The following PPM1L variants were observed in gnomAD, a reference collection of about 807,000 sequenced individuals.
PPM1L encodes protein phosphatase, Mg2+/Mn2+ dependent 1L.
PPM1L carries 13 observed loss-of-function variants against 31.4 expected under a neutral mutation model. The observed-to-expected ratio is 0.41, with a 90% CI of 0.27 to 0.66. PPM1L has a LOEUF of 0.66. PPM1L is among the 30% of genes least tolerant of loss of function. PPM1L has a pLI of 0.29. For synonymous variants in PPM1L, 184 were observed against 175.4 expected (o/e 1.05, Z -0.39); for missense variants, 326 against 453.7 (o/e 0.72, Z 2.56).
intron 1 of PPM1L, among the ~76,000 whole-genome samples, chr3:160,888,770 A>ATGTG (rs1267051958): frequency 2.0e-5 from 3 of 152,228 alleles, no homozygotes; most frequent in Non-Finnish European, 4.4e-5. Context: ...CTACCACATA[A>ATGTG]GTAAAACATT....
At chr3:160,955,787 A>G (rs1455120402) in intron 1 of PPM1L, among the ~76,000 whole-genome samples, 2 of 151,554 alleles carry the variant, frequency 1.3e-5, no homozygotes, top group Admixed American at 6.6e-5. Flanking sequence ...AGTAGCTGGG[A>G]CTACAGGTGC....
At position 161,076,108 on chromosome 3, in the gene PPM1L, A is replaced by G. The variant is rs1313377128; in HGVS notation, c.*6951A>G. 6.6e-6 allele frequency: 1 copy of G among 151,956 alleles called. No homozygotes were observed. The highest frequency in any genetic ancestry group is 2.4e-5 in the African/African-American group (1 of 41,454). 9.4% of individuals were successfully genotyped at this position (151,956 alleles called of 1,614,324 possible). Reference sequence around the variant, plus strand: ...GTGATTTGATATTCTTGCTTCTTAGAGAGTTTTCTAATCCATATAATGCAA... The same window carrying G: ...GTGATTTGATATTCTTGCTTCTTAGGGAGTTTTCTAATCCATATAATGCAA... On this transcript the variant is annotated 3_prime_UTR_variant, in exon 4 of 4. Transcript: ENST00000498165.
At chr3:160,976,260 A>G (rs1168907167) in intron 2 of PPM1L, among the ~76,000 whole-genome samples, 32 of 147,734 alleles carry the variant, frequency 2.2e-4, no homozygotes, top group African/African-American at 7.1e-4. Flanking sequence ...TTGATGTGCC[A>G]CTGGATTCGG....
intron 2 of PPM1L, among the ~76,000 whole-genome samples, chr3:160,976,539 C>A (rs535921126): frequency 0.018 from 2,751 of 150,536 alleles, 72 homozygotes; most frequent in African/African-American, 0.063. Context: ...TTGATTATTG[C>A]CACAATTTCA....
rs370482480 is a variant in PPM1L, at chr3:160,770,862, ATCTG to A, written c.399+14158_399+14161del. On this transcript the variant is annotated intron_variant, in intron 1 of 3. Transcript: ENST00000498165. ...TAAGATCCTTGCCCTAGTTTCTACT[ATCTG>A]TCCTGTAAAGAAATAGTGGCTGCTT... Among the ~76,000 whole-genome samples the A allele has an allele frequency of 5.5e-4, 83 of 152,238 alleles. No homozygotes were observed. The East Asian group carries it at 0.012, about 21-fold the overall frequency.
chr3:160,973,543 A>T (rs997256885), intron 2 of PPM1L, among the ~76,000 whole-genome samples: 5 of 152,194 alleles, frequency 3.3e-5, no homozygotes, highest in Non-Finnish European at 5.9e-5. Context: ...AAAATAAAAT[A>T]GTTTTTAAAG....
chr3:160,957,713 A>C lies in PPM1L; in HGVS notation c.400-4023A>C, dbSNP rs541346237. On this transcript the variant is annotated intron_variant, in intron 1 of 3. Coordinates refer to ENST00000498165, the MANE Select transcript of PPM1L (RefSeq NM_139245.4). ...TGCCTCGGCCTCCCAAGTAGCTGGG[A>C]CTACAGGTGCCCGTCACCACGCCTG... Among the ~76,000 whole-genome samples the C allele has an allele frequency of 2.0e-5, 3 of 151,522 alleles. No homozygotes were observed. In the East Asian group the frequency reaches 5.8e-4, roughly 30 times the overall value.
intron 2 of PPM1L, among the ~76,000 whole-genome samples, chr3:161,036,313 G>A (rs1559932527): frequency 6.6e-6 from 1 of 152,156 alleles, no homozygotes; most frequent in African/African-American, 2.4e-5. Context: ...AGACCCTGTG[G>A]AAGTTAATAG....
chr3:160,845,637 C>T (rs1411762040), intron 1 of PPM1L, among the ~76,000 whole-genome samples: 2 of 151,990 alleles, frequency 1.3e-5, no homozygotes, highest in African/African-American at 4.8e-5. Context: ...TTTGCTGATA[C>T]ATTTAAGCCC....
intron 1 of PPM1L, among the ~76,000 whole-genome samples, chr3:160,825,113 T>C (rs1201315388): frequency 6.6e-6 from 1 of 152,120 alleles, no homozygotes; most frequent in Non-Finnish European, 1.5e-5. Flanking sequence ...TCCTGATGTA[T>C]GCTGGCTTTC....
At chr3:161,047,500 T>C (rs866042309) in intron 2 of PPM1L, among the ~76,000 whole-genome samples, 2 of 152,106 alleles carry the variant, frequency 1.3e-5, no homozygotes, top group African/African-American at 4.8e-5. Flanking sequence ...TTGTGAAAAT[T>C]GCCATACTGC....
At chr3:160,889,906 G>A (rs560016491) in intron 1 of PPM1L, among the ~76,000 whole-genome samples, 1 of 152,164 alleles carries the variant, frequency 6.6e-6, no homozygotes, top group Non-Finnish European at 1.5e-5. Context: ...AGAACCACAT[G>A]ATTATCTCAA....
At position 160,972,098 on chromosome 3, in the gene PPM1L, A is replaced by G. The variant is rs189632020; in HGVS notation, c.574+10188A>G. ...ACCACATTCTAACTGCAGCTCTCCA[A>G]CTGATATTAATTAGTTTATTTTAGT... On this transcript the variant is annotated intron_variant, in intron 2 of 3. Transcript: ENST00000498165. 2.0e-5 allele frequency among the ~76,000 whole-genome samples: 3 copies of G among 152,260 alleles called. No individual in the cohort carries two copies. In the East Asian group the frequency reaches 5.8e-4, roughly 29 times the overall value.
chr3:161,059,314 A>G (rs190794235), intron 2 of PPM1L, among the ~76,000 whole-genome samples: 7 of 152,282 alleles, frequency 4.6e-5, no homozygotes, highest in Admixed American at 3.9e-4. Flanking sequence ...CTGGGCCAGA[A>G]GTTCTCTCCA....
chr3:160,811,923 G>T (rs375988267), intron 1 of PPM1L, among the ~76,000 whole-genome samples: 18 of 152,192 alleles, frequency 1.2e-4, no homozygotes, highest in African/African-American at 4.1e-4. Context: ...GGAGAAGCAA[G>T]ACTTGGTGAA....
chr3:160,815,129 A>G (rs1712956373), intron 1 of PPM1L, among the ~76,000 whole-genome samples: 2 of 152,042 alleles, frequency 1.3e-5, no homozygotes, highest in African/African-American at 4.8e-5. Flanking sequence ...TATATAATGA[A>G]ATACCACCTG....
chr3:160,901,807 A>C (rs1162342174), intron 1 of PPM1L, among the ~76,000 whole-genome samples: 2 of 152,178 alleles, frequency 1.3e-5, no homozygotes, highest in African/African-American at 4.8e-5. Context: ...ATTATTGAGA[A>C]GCTTTTGGGA....
intron 1 of PPM1L, among the ~76,000 whole-genome samples, chr3:160,927,375 A>T (rs953698519): frequency 6.6e-6 from 1 of 152,344 alleles, no homozygotes; most frequent in African/African-American, 2.4e-5. Flanking sequence ...GGGAGCAATC[A>T]TAAAATCATA....
chr3:160,976,309 C>T (rs1289552188), intron 2 of PPM1L, among the ~76,000 whole-genome samples: 1 of 146,576 alleles, frequency 6.8e-6, no homozygotes, highest in East Asian at 2.0e-4. Context: ...CATCAATGTT[C>T]ATCAAGGATA....
Sources: gnomAD v4.1 joint callset for allele counts (sites outside exome capture counted in the v4.1 genomes callset) on GRCh38, gnomAD v4.1.1 for gene constraint, MANE v1.5 for transcripts, NCBI Gene and HGNC (gene_info 2026-07-23, HGNC 2026-07-21) for gene names.